The following SLC9A2 variants were observed in gnomAD, a reference collection of about 807,000 sequenced individuals.
SLC9A2 encodes sodium/hydrogen exchanger 2.
SLC9A2 carries 42 observed loss-of-function variants against 71.7 expected under a neutral mutation model. That is an observed-to-expected ratio of 0.59 (90% CI 0.46 to 0.76). The LOEUF (loss-of-function observed/expected upper bound fraction) is 0.76. Ranked by LOEUF, SLC9A2 falls within the 30% of genes least tolerant of loss-of-function variation. SLC9A2 has a pLI of 0.00. For missense variants in SLC9A2, 829 were observed against 1,017.4 expected (o/e 0.81, Z 2.52); for synonymous variants, 396 against 392.5 (o/e 1.01, Z -0.10).
chr2:102,704,619 C>T lies in SLC9A2; in HGVS notation c.1921C>T (p.Arg641Ter), dbSNP rs1298969861. Residue 641 changes from arginine to a stop codon, truncating the protein, a stop_gained, in exon 10 of 12, where the codon CGA becomes TGA. Coordinates refer to ENST00000233969, the MANE Select transcript of SLC9A2 (RefSeq NM_003048.6). LOFTEE classifies it high-confidence loss of function. ...AGCCAAGGAGATTCTGATTCGCCGGCGACACAGTTTGCGAGAAAGCATTAG... is the reference window on the plus strand; with the variant it reads ...AGCCAAGGAGATTCTGATTCGCCGGTGACACAGTTTGCGAGAAAGCATTAG... Reference protein sequence around the residue: ...RQAKEILIRRRHSLRESIRKD... With the variant: ...RQAKEILIRR The T allele has an allele frequency of 3.1e-6, 5 of 1,613,418 alleles. No individual in the cohort carries two copies. The highest frequency in any genetic ancestry group is 1.6e-4 in the Middle Eastern group (1 of 6,078).
Position 102,708,284 on chromosome 2 carries a change from G to A in SLC9A2, c.2234G>A (p.Ser745Asn). Residue 745 changes from serine (S) to asparagine (N), a missense_variant, in exon 12 of 12, where the codon AGC becomes AAC. This residue lies in a region of SLC9A2 where 223 missense variants were observed against 197.5 expected (regional missense o/e 1.13). Transcript: ENST00000233969. ...VDVDSGRDMPSTPPTPHSREK... is the reference protein window; with the variant it reads ...VDVDSGRDMPNTPPTPHSREK... Reference sequence around the variant, plus strand: ...GTTGATTCTGGCCGAGATATGCCCAGCACCCCCCCAACACCCCACAGCAGA... The same window carrying A: ...GTTGATTCTGGCCGAGATATGCCCAACACCCCCCCAACACCCCACAGCAGA... 1 of 1,614,154 alleles carries A rather than the reference G, an allele frequency of 6.2e-7. No homozygotes were observed. The highest frequency in any genetic ancestry group is 1.6e-4 in the Middle Eastern group (1 of 6,062).
chr2:102,659,525 C>T lies in SLC9A2; in HGVS notation c.753+1498C>T, dbSNP rs138016042. 2.9e-3 allele frequency among the ~76,000 whole-genome samples: 438 copies of T among 152,220 alleles called. 3 individuals are homozygous for T. The highest frequency in any genetic ancestry group is 0.01 in the African/African-American group (417 of 41,514). On this transcript the variant is annotated intron_variant, in intron 2 of 11. Transcript: ENST00000233969. ...CTTGTATTCTACTGCAAAAGCAAATCCTCAGAATGAATAAAATGTCATCTC... is the reference window on the plus strand; with the variant it reads ...CTTGTATTCTACTGCAAAAGCAAATTCTCAGAATGAATAAAATGTCATCTC...
chr2:102,634,531 T>G (rs1421171258), intron 1 of SLC9A2, among the ~76,000 whole-genome samples: 1 of 152,226 alleles, frequency 6.6e-6, no homozygotes, highest in Non-Finnish European at 1.5e-5. Context: ...GAGAACAGAT[T>G]TCTTTCTTTC....
Position 102,620,154 on chromosome 2 carries a change from T to A in SLC9A2, c.289+17T>A, listed in dbSNP as rs796542116. The A allele has an allele frequency of 6.3e-7, 1 of 1,583,328 alleles. No individual in the cohort carries two copies. Among genetic ancestry groups the A allele is most frequent in the African/African-American group, 1.4e-5 (1 of 74,016 alleles). The stretch of plus-strand genomic sequence containing the variant: ...CCAAGATTGGTGAGCGAACTGGACT[T>A]GTGGGGAATGGGAGGGGGCGATCTC... On this transcript the variant is annotated intron_variant, in intron 1 of 11. Coordinates refer to ENST00000233969, the MANE Select transcript of SLC9A2 (RefSeq NM_003048.6).
chr2:102,665,143 T>C lies in SLC9A2; in HGVS notation c.797T>C (p.Ile266Thr). The C allele has an allele frequency of 1.2e-6, 2 of 1,614,016 alleles. No homozygotes were observed. Among genetic ancestry groups the C allele is most frequent in the South Asian group, 2.2e-5 (2 of 91,076 alleles). Residue 266 changes from isoleucine (I) to threonine (T), a missense_variant, in exon 3 of 12, where the codon ATT (isoleucine) becomes ACT (threonine). Transcript: ENST00000233969. ...AAGTCGTTTTGCCAGATGAAAACCA[T>C]TGAGACCATTGATGTGTTTGCAGGA... Reference protein sequence around the residue: ...LFKSFCQMKTIETIDVFAGIA... With the variant: ...LFKSFCQMKTTETIDVFAGIA...
At chr2:102,693,781 AG>A (rs1677705621) in intron 5 of SLC9A2, among the ~76,000 whole-genome samples, 1 of 152,206 alleles carries the variant, frequency 6.6e-6, no homozygotes, top group Admixed American at 6.5e-5. Flanking sequence ...AAGACTGCAA[AG>A]TCCTAGAACC....
intron 1 of SLC9A2, among the ~76,000 whole-genome samples, chr2:102,651,336 G>C (rs1387849584): frequency 6.6e-6 from 1 of 152,138 alleles, no homozygotes; most frequent in South Asian, 2.1e-4. Context: ...AGGGCCACAG[G>C]CTCTGCAGGC....
intron 1 of SLC9A2, among the ~76,000 whole-genome samples, chr2:102,635,049 A>T (rs2104503760): frequency 6.6e-6 from 1 of 152,326 alleles, no homozygotes; most frequent in South Asian, 2.1e-4. Context: ...TGCTTTTTGT[A>T]CAAATAGTGT....
intron 2 of SLC9A2, among the ~76,000 whole-genome samples, chr2:102,658,764 AG>A (rs1431942635): frequency 6.6e-6 from 1 of 152,090 alleles, no homozygotes; most frequent in Non-Finnish European, 1.5e-5. Context: ...AACACAGGCA[AG>A]GATTGAGAGA....
chr2:102,706,667 C>T (rs1030222722), intron 11 of SLC9A2, among the ~76,000 whole-genome samples: 3 of 152,294 alleles, frequency 2.0e-5, no homozygotes, highest in Admixed American at 2.0e-4. Flanking sequence ...TTTGGAATGG[C>T]ATTCTGTGCA....
chr2:102,670,657 G>A (rs1238059394), intron 3 of SLC9A2, among the ~76,000 whole-genome samples: 2 of 147,794 alleles, frequency 1.4e-5, no homozygotes, highest in Non-Finnish European at 3.0e-5. Context: ...ATTTGTAAAT[G>A]AGGAAATTTG....
intron 3 of SLC9A2, 134 bp from the exon 4 acceptor site, chr2:102,683,127 C>T: frequency 1.5e-6 from 1 of 680,704 alleles, no homozygotes; most frequent in East Asian, 2.5e-5. Flanking sequence ...TCACATTCAC[C>T]TATAAAAATC....
intron 1 of SLC9A2, among the ~76,000 whole-genome samples, chr2:102,625,783 G>A (rs1411415072): frequency 6.6e-5 from 10 of 152,084 alleles, no homozygotes; most frequent in African/African-American, 2.2e-4. Context: ...ATAAACATAC[G>A]TGTGCATGTA....
chr2:102,689,327 C>A (rs529130748), intron 5 of SLC9A2, among the ~76,000 whole-genome samples: 3 of 152,308 alleles, frequency 2.0e-5, no homozygotes, highest in Non-Finnish European at 4.4e-5. Context: ...TCATTGCTTG[C>A]AACCCTAAGA....
chr2:102,645,686 C>G (rs535421764), intron 1 of SLC9A2, among the ~76,000 whole-genome samples: 1 of 151,400 alleles, frequency 6.6e-6, no homozygotes, highest in Non-Finnish European at 1.5e-5. Context: ...ATTAATCAAG[C>G]GGAAGAAAGG....
At chr2:102,688,642 C>T (rs563310281) in intron 5 of SLC9A2, among the ~76,000 whole-genome samples, 27 of 152,180 alleles carry the variant, frequency 1.8e-4, no homozygotes, top group Admixed American at 1.3e-3. Context: ...GCAGGAGAAT[C>T]GCTTGAACCA....
chr2:102,651,659 G>A (rs1452520527), intron 1 of SLC9A2, among the ~76,000 whole-genome samples: 3 of 152,144 alleles, frequency 2.0e-5, no homozygotes, highest in Non-Finnish European at 2.9e-5. Flanking sequence ...TCATCACTGC[G>A]TGCTACTGTG....
chr2:102,706,973 T>C (rs1461551458), intron 11 of SLC9A2, among the ~76,000 whole-genome samples: 2 of 152,146 alleles, frequency 1.3e-5, no homozygotes, highest in Non-Finnish European at 2.9e-5. Flanking sequence ...ATGTGGGATG[T>C]CTAAGGGAAT....
At chr2:102,675,826 A>T (rs983691115) in intron 3 of SLC9A2, among the ~76,000 whole-genome samples, 4 of 152,120 alleles carry the variant, frequency 2.6e-5, no homozygotes, top group African/African-American at 9.7e-5. Context: ...AATGACTCAA[A>T]TTTCAGCTTT....
Sources: allele counts gnomAD v4.1 joint callset (sites outside exome capture counted in the v4.1 genomes callset), GRCh38; gene constraint gnomAD v4.1.1; regional missense constraint gnomAD v4.1.1; transcripts MANE v1.5; gene names NCBI Gene and HGNC (gene_info 2026-07-23, HGNC 2026-07-21).